Variants in ECM2 observed in about 807,000 individuals in gnomAD.
The protein encoded by ECM2 is extracellular matrix protein 2, female organ and adipocyte specific.
ECM2 carries 57 observed loss-of-function variants against 67.5 expected under a neutral mutation model. The ratio of observed to expected loss-of-function variants is 0.84; its 90% CI spans 0.68 to 1.05. The LOEUF is 1.05. Ranked by LOEUF, ECM2 falls within the 50% of genes least tolerant of loss-of-function variation. The pLI is 0.00. For missense variants in ECM2, 741 were observed against 822.8 expected (o/e 0.90, Z 1.22); for synonymous variants, 258 against 294.5 (o/e 0.88, Z 1.27).
the ECM2 span, among the ~76,000 whole-genome samples, chr9:92,556,033 G>A: frequency 6.6e-6 from 1 of 152,094 alleles, no homozygotes; most frequent in Non-Finnish European, 1.5e-5. Flanking sequence ...TTAGGGCTAT[G>A]AACTTTCCTC....
intron 5 of ECM2, 119 bp from the exon 6 acceptor site, chr9:92,510,153 A>G: frequency 8.7e-7 from 1 of 1,148,238 alleles, no homozygotes. Context: ...TTAGACAGTA[A>G]TGTCCAGGCC....
At chr9:92,540,380 G>A (rs1272611118), upstream of ECM2, among the ~76,000 whole-genome samples, 1 of 151,172 alleles carries the variant, frequency 6.6e-6, no homozygotes, top group Non-Finnish European at 1.5e-5. Flanking sequence ...AAAGGTCGCA[G>A]TGAGTCGAGA....
intron 4 of ECM2, among the ~76,000 whole-genome samples, chr9:92,513,429 C>A (rs973687546): frequency 1.3e-5 from 2 of 152,164 alleles, no homozygotes; most frequent in African/African-American, 4.8e-5. Context: ...TTACCATATC[C>A]GCAGTCCCAC....
intron 6 of ECM2, among the ~76,000 whole-genome samples, chr9:92,509,056 C>T (rs1847180450): frequency 6.6e-6 from 1 of 151,592 alleles, no homozygotes; most frequent in Non-Finnish European, 1.5e-5. Context: ...TATACAGAGT[C>T]ACAATATGAC....
At chr9:92,533,041 G>T (rs1848896673) in intron 1 of ECM2, among the ~76,000 whole-genome samples, 1 of 151,852 alleles carries the variant, frequency 6.6e-6, no homozygotes, top group Non-Finnish European at 1.5e-5. Context: ...GCTCAAGTCT[G>T]TAATGACAGC....
intron 3 of ECM2, among the ~76,000 whole-genome samples, chr9:92,515,545 T>A (rs1043350739): frequency 1.2e-4 from 18 of 152,158 alleles, no homozygotes; most frequent in African/African-American, 4.3e-4. Flanking sequence ...TGTTGTGAGA[T>A]TGTGTTATAA....
intron 4 of ECM2, among the ~76,000 whole-genome samples, chr9:92,512,730 A>G (rs1847430707): frequency 6.6e-6 from 1 of 152,202 alleles, no homozygotes; most frequent in Non-Finnish European, 1.5e-5. Flanking sequence ...TCAGTAGTCA[A>G]TTTTTAAACC....
At chr9:92,509,652 A>G (rs1194182680) in intron 6 of ECM2, among the ~76,000 whole-genome samples, 1 of 152,222 alleles carries the variant, frequency 6.6e-6, no homozygotes, top group East Asian at 1.9e-4. Flanking sequence ...CCTTGTGAAT[A>G]ATAAGAACCT....
At chr9:92,547,358 T>A in the ECM2 span, among the ~76,000 whole-genome samples, 3 of 152,352 alleles carry the variant, frequency 2.0e-5, no homozygotes, top group South Asian at 6.2e-4. Flanking sequence ...GGACAATTGT[T>A]CATTGCTACA....
intron 9 of ECM2, among the ~76,000 whole-genome samples, chr9:92,499,685 C>T (rs79959995): frequency 6.6e-6 from 1 of 152,194 alleles, no homozygotes; most frequent in Non-Finnish European, 1.5e-5. Flanking sequence ...AAAGTCTTCC[C>T]AAACCCCCAT....
chr9:92,535,929 T>G lies in ECM2; in HGVS notation c.-28+4A>C, dbSNP rs759968158. ...TAGAAACTTAAAATTTAAAACTTTTTTACCTGGAGATCTAAACTAAGTAGG... is the reference window on the plus strand; with the variant it reads ...TAGAAACTTAAAATTTAAAACTTTTGTACCTGGAGATCTAAACTAAGTAGG... On this transcript the variant is annotated splice_donor_region_variant and intron_variant, in intron 1 of 9. Coordinates refer to ENST00000344604, the MANE Select transcript of ECM2 (RefSeq NM_001393.4). 1.1e-5 allele frequency: 5 copies of G among 470,952 alleles called. No individual in the cohort carries two copies. In the East Asian group the frequency reaches 2.9e-4, roughly 27 times the overall value. The allele number at this position is 470,952 out of a possible 1,614,324, so 29.2% of individuals were successfully genotyped here.
chr9:92,535,694 T>C (rs1296037492), intron 1 of ECM2, among the ~76,000 whole-genome samples: 1 of 152,128 alleles, frequency 6.6e-6, no homozygotes, highest in East Asian at 1.9e-4. Flanking sequence ...TATACTTCTA[T>C]TGAACACATA....
chr9:92,551,901 A>G, the ECM2 span, among the ~76,000 whole-genome samples: 1 of 135,030 alleles, frequency 7.4e-6, no homozygotes, highest in Non-Finnish European at 1.6e-5. Context: ...AGTTAACAGC[A>G]TTTGTTATAT....
At chr9:92,507,489 G>A (rs1280571511) in intron 6 of ECM2, among the ~76,000 whole-genome samples, 1 of 152,192 alleles carries the variant, frequency 6.6e-6, no homozygotes, top group Non-Finnish European at 1.5e-5. Flanking sequence ...ATAGGAAATA[G>A]GAGGTAACAG....
intron 1 of ECM2, among the ~76,000 whole-genome samples, chr9:92,530,141 G>C (rs1848655929): frequency 6.6e-6 from 1 of 152,068 alleles, no homozygotes; most frequent in African/African-American, 2.4e-5. Context: ...CTCAGATTTT[G>C]GTGTCCTTGA....
chr9:92,555,961 C>T, the ECM2 span, among the ~76,000 whole-genome samples: 1 of 152,030 alleles, frequency 6.6e-6, no homozygotes, highest in African/African-American at 2.4e-5. Flanking sequence ...TCTTGTTTCT[C>T]TAGTTCCTTG....
intron 4 of ECM2, 145 bp downstream of exon 4, chr9:92,514,486 G>C: frequency 9.3e-7 from 1 of 1,073,836 alleles, no homozygotes; most frequent in Non-Finnish European, 1.3e-6. Context: ...TATTGTCCAG[G>C]CTGGTCTCAA....
the ECM2 span, among the ~76,000 whole-genome samples, chr9:92,547,815 C>G: frequency 6.6e-6 from 1 of 152,136 alleles, no homozygotes; most frequent in African/African-American, 2.4e-5. Flanking sequence ...TAAATTATAT[C>G]TCGAGATAGC....
At chr9:92,547,456 G>GAAT in the ECM2 span, among the ~76,000 whole-genome samples, 1 of 152,216 alleles carries the variant, frequency 6.6e-6, no homozygotes, top group African/African-American at 2.4e-5. Flanking sequence ...CCATACAAGG[G>GAAT]AATATTATTT....
Sources: gnomAD v4.1 joint callset for allele counts (sites outside exome capture counted in the v4.1 genomes callset) on GRCh38, gnomAD v4.1.1 for gene constraint, MANE v1.5 for transcripts, NCBI Gene and HGNC (gene_info 2026-07-23, HGNC 2026-07-21) for gene names.